Variants in CNTNAP5 observed in about 807,000 individuals in gnomAD.
CNTNAP5 encodes the protein contactin associated protein family member 5, also known as contactin-associated protein-like 5.
A neutral mutation model predicts 150.2 loss-of-function variants in CNTNAP5; 72 were observed. The observed-to-expected ratio is 0.48, with a 90% CI of 0.40 to 0.58. The LOEUF is 0.58. Among genes scored for constraint, CNTNAP5 ranks in the 20% least tolerant of loss-of-function variants. The pLI is 0.00. For synonymous variants in CNTNAP5, 672 were observed against 619.8 expected, an observed-to-expected ratio of 1.08 and a Z score of -1.25; for missense variants, 1,636 against 1,626.2, an observed-to-expected ratio of 1.01 and a Z score of -0.10.
chr2:124,287,105 A>C (rs1261058472), intron 3 of CNTNAP5, among the ~76,000 whole-genome samples: 2 of 152,198 alleles, frequency 1.3e-5, no homozygotes, highest in East Asian at 3.9e-4. Flanking sequence ...TCAAAGGTCA[A>C]TAGCATATCT....
chr2:124,513,294 G>A (rs954131916), intron 8 of CNTNAP5, among the ~76,000 whole-genome samples: 38 of 152,240 alleles, frequency 2.5e-4, no homozygotes, highest in African/African-American at 8.9e-4. Context: ...TGCTCATAAG[G>A]ACACCAAACA....
At chr2:124,594,456 G>A (rs975208408) in intron 11 of CNTNAP5, among the ~76,000 whole-genome samples, 20 of 152,226 alleles carry the variant, frequency 1.3e-4, no homozygotes, top group Admixed American at 3.3e-4. Flanking sequence ...TAGGTAAGTG[G>A]TGTTATTTCT....
chr2:124,504,623 C>T (rs564239810), intron 8 of CNTNAP5, 67 bp downstream of exon 8: 809 of 1,465,260 alleles, frequency 5.5e-4, no homozygotes, highest in Non-Finnish European at 7.2e-4. Flanking sequence ...GAGGTCCTGA[C>T]AAAAACATAC....
chr2:124,356,721 G>C lies in CNTNAP5; in HGVS notation c.382-60722G>C, dbSNP rs547500602. 9.9e-5 allele frequency among the ~76,000 whole-genome samples: 15 copies of C among 151,976 alleles called. No homozygotes were observed. In the East Asian group the frequency reaches 2.9e-3, roughly 29 times the overall value. On this transcript the variant is annotated intron_variant, in intron 3 of 23. Coordinates refer to ENST00000682447, the MANE Select transcript of CNTNAP5 (RefSeq NM_001367498.1). ...CAGCCTATCATTGTTAGACATTTGG[G>C]TTGGTTCCAAGTCTTTGCTATTGTG...
intron 1 of CNTNAP5, among the ~76,000 whole-genome samples, chr2:124,096,309 A>G (rs1423338442): frequency 6.6e-6 from 1 of 152,204 alleles, no homozygotes; most frequent in Non-Finnish European, 1.5e-5. Context: ...TTATAGAAAC[A>G]TATGGGAGCC....
At chr2:124,829,305 G>T (rs1362370239) in intron 19 of CNTNAP5, among the ~76,000 whole-genome samples, 2 of 152,112 alleles carry the variant, frequency 1.3e-5, no homozygotes, top group Non-Finnish European at 2.9e-5. Flanking sequence ...CAACTGTCTG[G>T]TTGCATTTAC....
At chr2:124,855,224 C>T (rs1677343373) in intron 19 of CNTNAP5, among the ~76,000 whole-genome samples, 1 of 120,556 alleles carries the variant, frequency 8.3e-6, no homozygotes, top group Non-Finnish European at 1.6e-5. Flanking sequence ...GTTGACCAAG[C>T]TGGAGTGCAA....
At chr2:124,593,987 G>GT (rs1373635371) in intron 11 of CNTNAP5, among the ~76,000 whole-genome samples, 1 of 98,066 alleles carries the variant, frequency 1.0e-5, no homozygotes, top group Non-Finnish European at 2.1e-5. Flanking sequence ...GGGGTTGTTT[G>GT]TTTTTTTCTT....
At chr2:124,506,987 C>T (rs1694420951) in intron 8 of CNTNAP5, among the ~76,000 whole-genome samples, 1 of 152,046 alleles carries the variant, frequency 6.6e-6, no homozygotes, top group Non-Finnish European at 1.5e-5. Context: ...TAACTTGAGT[C>T]TATAAAAGAA....
rs1470635915 is a variant in CNTNAP5 at position 124,680,472 on chromosome 2, CA to C, written c.2077+32515del. ...TGGGCTCCCAGCATTTTCCAAATCA[CA>C]GACTCTGATTATTTCAGTTCTCAGA... On this transcript the variant is annotated intron_variant, in intron 13 of 23. Coordinates refer to ENST00000682447, the MANE Select transcript of CNTNAP5 (RefSeq NM_001367498.1). 3.3e-5 allele frequency among the ~76,000 whole-genome samples: 5 copies of C among 151,852 alleles called. No individual in the cohort carries two copies. The Admixed American group carries it at 3.3e-4, about 10-fold the overall frequency.
At chr2:124,138,320 A>G (rs1018705099) in intron 1 of CNTNAP5, among the ~76,000 whole-genome samples, 2 of 152,208 alleles carry the variant, frequency 1.3e-5, no homozygotes, top group Non-Finnish European at 2.9e-5. Flanking sequence ...CCTGCTCTTA[A>G]ACACATTCGT....
intron 1 of CNTNAP5, among the ~76,000 whole-genome samples, chr2:124,049,644 CTG>C (rs966390277): frequency 2.0e-5 from 3 of 152,152 alleles, no homozygotes; most frequent in African/African-American, 7.2e-5. Flanking sequence ...AGTTTCTTTA[CTG>C]TAACATGAAG....
intron 1 of CNTNAP5, among the ~76,000 whole-genome samples, chr2:124,137,311 T>TG (rs201595426): frequency 6.6e-6 from 1 of 151,894 alleles, no homozygotes; most frequent in Non-Finnish European, 1.5e-5. Flanking sequence ...AGTTTTTTTT[T>TG]CAAATTTGTT....
chr2:124,734,772 G>T (rs1342830130), intron 13 of CNTNAP5, among the ~76,000 whole-genome samples: 1 of 152,034 alleles, frequency 6.6e-6, no homozygotes, highest in African/African-American at 2.4e-5. Context: ...CATGCGATTT[G>T]GTAAGAGTAA....
intron 7 of CNTNAP5, among the ~76,000 whole-genome samples, chr2:124,478,194 G>A (rs190036068): frequency 1.7e-4 from 26 of 151,984 alleles, no homozygotes; most frequent in East Asian, 1.9e-4. Context: ...TCACCGTTTC[G>A]TTTTCTGAGA....
At chr2:124,351,553 G>A (rs1422114845) in intron 3 of CNTNAP5, among the ~76,000 whole-genome samples, 1 of 152,178 alleles carries the variant, frequency 6.6e-6, no homozygotes, top group African/African-American at 2.4e-5. Context: ...TAACTGAATA[G>A]TTTTCAAAAC....
intron 5 of CNTNAP5, among the ~76,000 whole-genome samples, chr2:124,443,664 A>G (rs1692730745): frequency 6.6e-6 from 1 of 152,094 alleles, no homozygotes; most frequent in Non-Finnish European, 1.5e-5. Flanking sequence ...TATTTATAAA[A>G]TTTATCTTTT....
chr2:124,859,719 C>T (rs1262926174), intron 19 of CNTNAP5, among the ~76,000 whole-genome samples: 2 of 152,272 alleles, frequency 1.3e-5, no homozygotes, highest in East Asian at 3.9e-4. Flanking sequence ...CCATGGAATA[C>T]TATGCAGCCA....
At chr2:124,878,232 G>T (rs570165641) in intron 21 of CNTNAP5, among the ~76,000 whole-genome samples, 1 of 152,220 alleles carries the variant, frequency 6.6e-6, no homozygotes, top group East Asian at 1.9e-4. Flanking sequence ...CACATTTCTT[G>T]TAAGTCAGGC....
Sources: allele counts gnomAD v4.1 joint callset (sites outside exome capture counted in the v4.1 genomes callset), GRCh38; gene constraint gnomAD v4.1.1; transcripts MANE v1.5; gene names NCBI Gene and HGNC (gene_info 2026-07-23, HGNC 2026-07-21).